The following ZNF692 variants were observed in gnomAD, a reference collection of about 807,000 sequenced individuals.
The protein encoded by ZNF692 is AICAR responsive element binding protein.
In ZNF692, 41 loss-of-function variants were observed where a neutral mutation model predicts 49.0. The ratio of observed to expected loss-of-function variants is 0.84; its 90% CI spans 0.65 to 1.08. ZNF692 has a LOEUF of 1.08. ZNF692 is among the 50% of genes least tolerant of loss of function. ZNF692 has a pLI of 0.00. For synonymous variants in ZNF692, 288 were observed against 251.5 expected, an observed-to-expected ratio of 1.15 and a Z score of -1.37; for missense variants, 662 against 662.2, an observed-to-expected ratio of 1.00 and a Z score of 0.00.
Position 248,857,305 on chromosome 1 carries a change from T to G in ZNF692, c.404A>C (p.Lys135Thr). 1.2e-6 allele frequency: 2 copies of G among 1,614,174 alleles called. No individual in the cohort carries two copies. Among genetic ancestry groups the G allele is most frequent in the African/African-American group, 2.7e-5 (2 of 75,048 alleles). The stretch of plus-strand genomic sequence containing the variant: ...AGTAGTATGTGGAAGGGAGGCTGGC[T>G]TGGGTGCCTCTGAAGGTGTAGGGCT... ...SLSPTPSEAP[K>T]PASLPHTTRR... The change falls in exon 4 of 12, where the codon AAG (lysine) becomes ACG (threonine). Residue 135 changes from lysine (K) to threonine (T), a missense_variant. Transcript: ENST00000306601.
Position 248,858,158 on chromosome 1 carries a change from G to A in ZNF692, c.152C>T (p.Ser51Leu), listed in dbSNP as rs866700131. The change falls in exon 2 of 12, where the codon TCG (serine) becomes TTG (leucine). Residue 51 changes from serine (S) to leucine (L), a missense_variant. By Grantham distance (145) the Ser-to-Leu change is moderately radical. Coordinates refer to ENST00000306601, the MANE Select transcript of ZNF692 (RefSeq NM_017865.4). This position sits in a 1 kb window ranked among gnomAD's most constrained non-coding sequence, Gnocchi z 4.3. ...LKERLGFSLH[S>L]QLAKFLLDRY... ...GTCCAACAGGAACTTGGCGAGCTGC[G>A]AGTGCAGGGAGAAGCCCAGCCGCTC... 3.8e-6 allele frequency: 6 copies of A among 1,569,480 alleles called. No individual in the cohort carries two copies. The African/African-American group carries it at 5.4e-5, about 14-fold the overall frequency.
rs547342369 is a variant in ZNF692 at position 248,858,779 on chromosome 1, G to A, written c.-13+139C>T. On this transcript the variant is annotated intron_variant, in intron 1 of 11. Coordinates refer to ENST00000306601, the MANE Select transcript of ZNF692 (RefSeq NM_017865.4). The surrounding 1 kb of genome is among the most constrained non-coding windows in gnomAD (Gnocchi z 4.3). ...GAGTGGCGGTGAGGCCGTGGTCAGAGGTCTGGAGGGCGCCCCCCATCCACC... is the reference window on the plus strand; with the variant it reads ...GAGTGGCGGTGAGGCCGTGGTCAGAAGTCTGGAGGGCGCCCCCCATCCACC... 5.1e-4 allele frequency: 305 copies of A among 598,682 alleles called. 3 individuals carry two copies. The East Asian group carries it at 8.4e-3, about 17-fold the overall frequency. The allele number at this position is 598,682 out of a possible 1,614,324, so 37.1% of individuals were successfully genotyped here.
chr1:248,852,857 C>T (rs1659758301), intron 10 of ZNF692, among the ~76,000 whole-genome samples: 1 of 152,180 alleles, frequency 6.6e-6, no homozygotes, highest in South Asian at 2.1e-4. Context: ...CACTCACTTC[C>T]TCTATGTAGG....
Position 248,858,422 on chromosome 1 carries a change from G to A in ZNF692, c.-12-101C>T. ...GCCTCAGTTTCCTCATCAGTGAACT[G>A]GGGCAAGACTAAACTATTTCAATAG... On this transcript the variant is annotated intron_variant, in intron 1 of 11. Transcript: ENST00000306601. The surrounding 1 kb of genome is among the most constrained non-coding windows in gnomAD (Gnocchi z 4.3). The A allele has an allele frequency of 6.4e-7, 1 of 1,550,510 alleles. No homozygotes were observed. The highest frequency in any genetic ancestry group is 1.7e-4 in the Middle Eastern group (1 of 5,974).
At chr1:248,853,869 C>A in intron 10 of ZNF692, 68 bp downstream of exon 10, 1 of 1,282,668 alleles carries the variant, frequency 7.8e-7, no homozygotes, top group Non-Finnish European at 1.1e-6. Context: ...CCCACAGAGC[C>A]CAGGGTGACG....
At position 248,853,973 on chromosome 1, in the gene ZNF692, T is replaced by TA; in HGVS notation, c.1116dup (p.Lys373Ter). 1 of 1,614,178 alleles carries TA rather than the reference T, an allele frequency of 6.2e-7. No homozygotes were observed. Among genetic ancestry groups the TA allele is most frequent in the Non-Finnish European group, 8.5e-7 (1 of 1,180,012 alleles). On this transcript the variant is annotated frameshift_variant, in exon 10 of 12. Coordinates refer to ENST00000306601, the MANE Select transcript of ZNF692 (RefSeq NM_017865.4). LOFTEE classifies it high-confidence loss of function. ...TTCATGTGCTCCTTCAGGTGTTTCT[T>TA]AAAGTTGAAAGACTTCCCACAGGCT...
rs1277993409 is a variant in ZNF692, at chr1:248,856,558, C to T, written c.480G>A (p.Leu160=). 1.9e-6 allele frequency: 3 copies of T among 1,614,054 alleles called. No homozygotes were observed. The African/African-American group carries it at 4.0e-5, about 22-fold the overall frequency. Reference sequence around the variant, plus strand: ...GAGTCCTCTCATCATGCTCAGATTCCAAATCTGTGGGACAGGCAAAGTCAA... The same window carrying T: ...GAGTCCTCTCATCATGCTCAGATTCTAAATCTGTGGGACAGGCAAAGTCAA... ...EATSGQELAD[L]ESEHDERTQE... is the part of the protein sequence containing the mutation. Residue 160 remains leucine, a synonymous_variant, in exon 5 of 12, where the codon TTG becomes TTA. Coordinates refer to ENST00000306601, the MANE Select transcript of ZNF692 (RefSeq NM_017865.4).
At chr1:248,854,164 CCT>C in intron 9 of ZNF692, 113 bp from the exon 10 acceptor site, 1 of 750,098 alleles carries the variant, frequency 1.3e-6, no homozygotes, top group Non-Finnish European at 2.3e-6. Context: ...CTTCCTGGCC[CCT>C]GTGCCCCAGC....
intron 10 of ZNF692, among the ~76,000 whole-genome samples, chr1:248,853,106 C>A (rs914182889): frequency 6.6e-6 from 1 of 152,172 alleles, no homozygotes; most frequent in South Asian, 2.1e-4. Flanking sequence ...CAACTCCTCC[C>A]TTCCCACTCG....
chr1:248,850,307 G>C lies in ZNF692; in HGVS notation c.1463C>G (p.Pro488Arg). Reference protein sequence around the residue: ...PQESPSGPLEPCPSISAPGPL... With the variant: ...PQESPSGPLERCPSISAPGPL... ...CCCAGGGGCAGAGATGCTGGGACAG[G>C]GCTCTAGGGGACCACTGGGTGACTC... The change falls in exon 12 of 12, where the codon CCC becomes CGC. Residue 488 changes from proline (P) to arginine (R), a missense_variant. Physicochemically the swap from Pro to Arg is moderately radical, Grantham distance 103. Transcript: ENST00000306601. 1 of 1,613,470 alleles carries C rather than the reference G, an allele frequency of 6.2e-7. No homozygotes were observed.
chr1:248,857,917 G>T (rs755709620), intron 2 of ZNF692, 58 bp from the exon 3 acceptor site: 1 of 1,602,942 alleles, frequency 6.2e-7, no homozygotes, highest in African/African-American at 1.3e-5. Flanking sequence ...CTCAGCCCTG[G>T]GCACTCACAC....
In ZNF692 at chr1:248,855,849, G is replaced by C. The variant is rs1660167438; in HGVS notation, c.757C>G (p.Leu253Val). Residue 253 changes from leucine (L) to valine (V), a missense_variant, in exon 7 of 12, where the codon CTT (leucine) becomes GTT (valine). Physicochemically the swap from Leu to Val is conservative, Grantham distance 32. Coordinates refer to ENST00000306601, the MANE Select transcript of ZNF692 (RefSeq NM_017865.4). Reference sequence around the variant, plus strand: ...GATGCTGACAAGGCCGGCACAGCAAGAGGACTGGAGAGTGCTGCAGGGGCT... The same window carrying C: ...GATGCTGACAAGGCCGGCACAGCAACAGGACTGGAGAGTGCTGCAGGGGCT... ...PPAPAALSSP[L>V]AVPALSASSL... is the part of the protein sequence containing the mutation. 2 of 1,614,238 alleles carry C rather than the reference G, an allele frequency of 1.2e-6. No homozygotes were observed. Among genetic ancestry groups the C allele is most frequent in the Non-Finnish European group, 1.7e-6 (2 of 1,180,054 alleles).
At chr1:248,857,968 C>A in intron 2 of ZNF692, 109 bp from the exon 3 acceptor site, 2 of 1,559,434 alleles carry the variant, frequency 1.3e-6, no homozygotes, top group Non-Finnish European at 1.7e-6. Context: ...TCGCTGAGAC[C>A]ATGAGGAGGG....
In ZNF692 at chr1:248,855,747, G is replaced by C; in HGVS notation, c.859C>G (p.Gln287Glu). The C allele has an allele frequency of 6.2e-7, 1 of 1,614,224 alleles. No individual in the cohort carries two copies. The highest frequency in any genetic ancestry group is 8.5e-7 in the Non-Finnish European group (1 of 1,180,050). ...PQLSRTPQAA[Q>E]QTEALASTGS... is the part of the protein sequence containing the mutation. ...TACCTGGCCAGGGCCTCAGTCTGCT[G>C]GGCCGCTTGAGGGGTCCTGCTGAGC... The change falls in exon 7 of 12, where the codon CAG becomes GAG. Residue 287 changes from glutamine to glutamate, a missense_variant. Gln to Glu is a conservative substitution (Grantham distance 29). Transcript: ENST00000306601.
chr1:248,858,313 C>A lies in ZNF692; in HGVS notation c.-4G>T. On this transcript the variant is annotated 5_prime_UTR_variant, in exon 2 of 12. Transcript: ENST00000306601. The surrounding 1 kb of genome is among the most constrained non-coding windows in gnomAD (Gnocchi z 4.3). ...CCACCGCCGGGGAGGAAGCCATGTG[C>A]ACCAGAGGCTGGAGGGTGGAAGGGA... The A allele has an allele frequency of 6.4e-7, 1 of 1,557,452 alleles. No individual in the cohort carries two copies. The highest frequency in any genetic ancestry group is 8.7e-7 in the Non-Finnish European group (1 of 1,146,914).
At position 248,858,096 on chromosome 1, in the gene ZNF692, G is replaced by A; in HGVS notation, c.179+35C>T. On this transcript the variant is annotated intron_variant, in intron 2 of 11. Transcript: ENST00000306601. This position sits in a 1 kb window ranked among gnomAD's most constrained non-coding sequence, Gnocchi z 4.3. ...GAGGAGGCTAGGGGCTGCTGCCTGG[G>A]TACCCTCCCCCAAGCCCTTCTCCCG... is the stretch of plus-strand genomic sequence containing the variant. 1 of 1,552,364 alleles carries A rather than the reference G, an allele frequency of 6.4e-7. No individual in the cohort carries two copies. The highest frequency in any genetic ancestry group is 8.7e-7 in the Non-Finnish European group (1 of 1,152,678).
rs969503039 is a variant in ZNF692, at chr1:248,858,001, A to T, written c.179+130T>A. On this transcript the variant is annotated intron_variant, in intron 2 of 11. Transcript: ENST00000306601. This position sits in a 1 kb window ranked among gnomAD's most constrained non-coding sequence, Gnocchi z 4.3. ...GGGGAGCAGGACCCTCGGAGGCCAC[A>T]AGTCACACAGGCCGTCCTGGTAAAG... The T allele has an allele frequency of 4.5e-6, 7 of 1,547,262 alleles. No individual in the cohort carries two copies. The highest frequency in any genetic ancestry group is 5.2e-6 in the Non-Finnish European group (6 of 1,150,614).
chr1:248,857,741 A>C, intron 3 of ZNF692, 87 bp downstream of exon 3: 2 of 1,554,412 alleles, frequency 1.3e-6, no homozygotes. Flanking sequence ...AAACTTACTC[A>C]GGGCTCCCTT....
At chr1:248,851,908 C>T (rs1424942405) in intron 10 of ZNF692, among the ~76,000 whole-genome samples, 1 of 152,258 alleles carries the variant, frequency 6.6e-6, no homozygotes, top group Non-Finnish European at 1.5e-5. Flanking sequence ...GCCCCACCAT[C>T]TTCCCTCTGA....
Sources: allele counts gnomAD v4.1 joint callset (sites outside exome capture counted in the v4.1 genomes callset), GRCh38; gene constraint gnomAD v4.1.1; non-coding constraint Gnocchi (gnomAD v3.1); transcripts MANE v1.5; gene names NCBI Gene and HGNC (gene_info 2026-07-23, HGNC 2026-07-21).